Variants in TPCN2 observed in about 807,000 individuals in gnomAD.
TPCN2 encodes the protein two pore channel protein 2.
A neutral mutation model predicts 111.4 loss-of-function variants in TPCN2; 92 were observed. The observed-to-expected ratio is 0.83, with a 90% CI of 0.70 to 0.98. TPCN2 has a LOEUF of 0.98. TPCN2 is among the 50% of genes least tolerant of loss of function. The pLI, the probability that TPCN2 is intolerant of heterozygous loss-of-function variation, is 0.00. For missense variants in TPCN2, 995 were observed against 980.1 expected, an observed-to-expected ratio of 1.02 and a Z score of -0.20; for synonymous variants, 405 against 414.5, an observed-to-expected ratio of 0.98 and a Z score of 0.28.
intron 2 of TPCN2, among the ~76,000 whole-genome samples, 179 bp from the exon 3 acceptor site, chr11:69,054,542 C>T (rs921643007): frequency 1.1e-4 from 16 of 152,194 alleles, no homozygotes; most frequent in Admixed American, 2.0e-4. Flanking sequence ...GTTGGGCAAA[C>T]CTCGTGGTTT....
At chr11:69,055,756 G>T (rs1361934902) in intron 4 of TPCN2, among the ~76,000 whole-genome samples, 3 of 152,222 alleles carry the variant, frequency 2.0e-5, no homozygotes, top group Non-Finnish European at 4.4e-5. Context: ...AGCCCAGTGG[G>T]CCGTCAGGGG....
At position 69,067,507 on chromosome 11, in the gene TPCN2, A is replaced by G; in HGVS notation, c.731A>G (p.Asp244Gly). Residue 244 changes from aspartate (D) to glycine (G), a missense_variant, in exon 8 of 25, where the codon GAT becomes GGT. Physicochemically the swap from Asp to Gly is moderately conservative, Grantham distance 94. Coordinates refer to ENST00000294309, the MANE Select transcript of TPCN2 (RefSeq NM_139075.4). ...GMLLFAGGKQDDGQDRERLTY... is the reference protein window; with the variant it reads ...GMLLFAGGKQGDGQDRERLTY... ...AGCTGCCGCTTCTGCTCTTAGCAGGATGATGGGCAGGACAGGGAGAGGCTG... is the reference window on the plus strand; with the variant it reads ...AGCTGCCGCTTCTGCTCTTAGCAGGGTGATGGGCAGGACAGGGAGAGGCTG... The G allele has an allele frequency of 6.2e-7, 1 of 1,613,268 alleles. No individual in the cohort carries two copies. Among genetic ancestry groups the G allele is most frequent in the Non-Finnish European group, 8.5e-7 (1 of 1,179,898 alleles).
At position 69,089,961 on chromosome 11, in the gene TPCN2, T is replaced by C. The variant is rs1856390120; in HGVS notation, c.*2008T>C. ...ACAGTTCTTTAGCTGTTTCTTTACT[T>C]TCTGGTGCAAAAAGATGTTCAAGCC... On this transcript the variant is annotated 3_prime_UTR_variant, in exon 25 of 25. Coordinates refer to ENST00000294309, the MANE Select transcript of TPCN2 (RefSeq NM_139075.4). 1 of 152,204 alleles carries C rather than the reference T, an allele frequency of 6.6e-6. No homozygotes were observed. The highest frequency in any genetic ancestry group is 2.1e-4 in the South Asian group (1 of 4,826). 9.4% of individuals were successfully genotyped at this position (152,204 alleles called of 1,614,324 possible).
intron 17 of TPCN2, among the ~76,000 whole-genome samples, chr11:69,080,590 G>A (rs578155547): frequency 3.3e-4 from 50 of 152,342 alleles, no homozygotes; most frequent in Admixed American, 2.5e-3. Flanking sequence ...TGGTTAGGCC[G>A]GGCTCCTTGG....
chr11:69,079,230 A>C (rs1855908015), intron 16 of TPCN2: 1 of 618,730 alleles, frequency 1.6e-6, no homozygotes, highest in Non-Finnish European at 2.7e-6. Context: ...TTTCTACTGC[A>C]TCCGAGTGTC....
rs1174554507 is a variant in TPCN2, at chr11:69,085,122, C to T, written c.1762-88C>T. On this transcript the variant is annotated intron_variant, in intron 19 of 24. Coordinates refer to ENST00000294309, the MANE Select transcript of TPCN2 (RefSeq NM_139075.4). ...CAGAGGGTCCTGGCCTCACAGTCAT[C>T]CTCTGGCTTTGCGGTTCTGTCTGGG... 2.4e-6 allele frequency: 3 copies of T among 1,254,266 alleles called. No homozygotes were observed. The African/African-American group carries it at 4.4e-5, about 18-fold the overall frequency. 77.7% of individuals were successfully genotyped at this position (1,254,266 alleles called of 1,614,324 possible). A position where few individuals can be genotyped will look rare whatever the true frequency, so the allele number is the denominator to read the frequency against.
intron 13 of TPCN2, among the ~76,000 whole-genome samples, chr11:69,075,650 C>T (rs1292345699): frequency 1.3e-5 from 2 of 152,180 alleles, no homozygotes; most frequent in South Asian, 2.1e-4. Flanking sequence ...GGTCCTTTCT[C>T]GGCAGGCTGA....
At chr11:69,082,485 T>A (rs1043781934) in intron 18 of TPCN2, among the ~76,000 whole-genome samples, 1 of 152,288 alleles carries the variant, frequency 6.6e-6, no homozygotes, top group Non-Finnish European at 1.5e-5. Context: ...CCATGTGAAC[T>A]CATGTCCGTG....
Position 69,079,824 on chromosome 11 carries a change from G to A in TPCN2, c.1540-10G>A. 6.2e-7 allele frequency: 1 copy of A among 1,613,180 alleles called. No individual in the cohort carries two copies. Among genetic ancestry groups the A allele is most frequent in the Non-Finnish European group, 8.5e-7 (1 of 1,179,622 alleles). ...CTGTAGCGAAGCCTTCTTTTCTTTTGTAATTAAAGGTTTTGGAGATCTCAA... is the reference window on the plus strand; with the variant it reads ...CTGTAGCGAAGCCTTCTTTTCTTTTATAATTAAAGGTTTTGGAGATCTCAA... On this transcript the variant is annotated splice_polypyrimidine_tract_variant and intron_variant, in intron 16 of 24. Coordinates refer to ENST00000294309, the MANE Select transcript of TPCN2 (RefSeq NM_139075.4).
At position 69,088,006 on chromosome 11, in the gene TPCN2, C is replaced by T; in HGVS notation, c.*53C>T. The T allele has an allele frequency of 1.3e-6, 2 of 1,513,752 alleles. No homozygotes were observed. Among genetic ancestry groups the T allele is most frequent in the South Asian group, 1.2e-5 (1 of 83,978 alleles). The allele number at this position is 1,513,752 out of a possible 1,614,324, so 93.8% of individuals were successfully genotyped here. A position where few individuals can be genotyped will look rare whatever the true frequency, so the allele number is the denominator to read the frequency against. On this transcript the variant is annotated 3_prime_UTR_variant, in exon 25 of 25. Coordinates refer to ENST00000294309, the MANE Select transcript of TPCN2 (RefSeq NM_139075.4). The stretch of plus-strand genomic sequence containing the variant: ...GGCAGGAGAGAGAGGCTGGCCTACA[C>T]AGGTGCCCGTCATGGAAGAGGCGGC...
chr11:69,050,647 G>A (rs1861183713), intron 1 of TPCN2, among the ~76,000 whole-genome samples: 1 of 152,232 alleles, frequency 6.6e-6, no homozygotes, highest in Non-Finnish European at 1.5e-5. Context: ...CAAAGTGGTG[G>A]GATTACAGGC....
In TPCN2 at chr11:69,055,170, TC is replaced by T. The variant is rs1854700241; in HGVS notation, c.252-3del. ...TGTGTTTTCATGTTTCTGTCCCCTTTCCAGGACTTTGAGCTTCACCATCTTC... is the reference window on the plus strand; with the variant it reads ...TGTGTTTTCATGTTTCTGTCCCCTTTCAGGACTTTGAGCTTCACCATCTTC... On this transcript the variant is annotated splice_polypyrimidine_tract_variant and splice_region_variant and intron_variant, in intron 3 of 24. Coordinates refer to ENST00000294309, the MANE Select transcript of TPCN2 (RefSeq NM_139075.4). 1.9e-6 allele frequency: 3 copies of T among 1,613,598 alleles called. No individual in the cohort carries two copies. Among genetic ancestry groups the T allele is most frequent in the Non-Finnish European group, 2.5e-6 (3 of 1,179,818 alleles).
At chr11:69,078,160 T>C (rs1855868788) in intron 13 of TPCN2, among the ~76,000 whole-genome samples, 1 of 54,972 alleles carries the variant, frequency 1.8e-5, no homozygotes, top group South Asian at 3.6e-4. Context: ...TTCACACAGC[T>C]TTTTTTTTTT....
In TPCN2 at chr11:69,057,583, C is replaced by T; in HGVS notation, c.435C>T (p.Tyr145=). The stretch of plus-strand genomic sequence containing the variant: ...CCCGCCCGTCTATCTTGCAGGGTTA[C>T]CTGTTCGGGTGGGCCCATTTCCAGA... ...VFAADLSVKG[Y]LFGWAHFQKN... is the part of the protein sequence containing the mutation. The change falls in exon 5 of 25, where the codon TAC becomes TAT. Residue 145 remains tyrosine (Y), a synonymous_variant. Transcript: ENST00000294309. 1.2e-6 allele frequency: 2 copies of T among 1,614,142 alleles called. No homozygotes were observed. The highest frequency in any genetic ancestry group is 8.5e-7 in the Non-Finnish European group (1 of 1,179,970).
chr11:69,082,899 G>A (rs7118834), intron 18 of TPCN2, among the ~76,000 whole-genome samples: 14,233 of 60,280 alleles, frequency 0.24, 5,188 homozygotes, highest in Non-Finnish European at 0.32. Context: ...CACACATCGC[G>A]TGCAGATATC....
intron 24 of TPCN2, 108 bp downstream of exon 24, chr11:69,087,314 C>T (rs866749864): frequency 3.3e-6 from 3 of 903,988 alleles, no homozygotes; most frequent in Middle Eastern, 2.6e-4. Context: ...CTGTCCTCCC[C>T]CTCCGCCCGG....
At position 69,049,121 on chromosome 11, in the gene TPCN2, C is replaced by G. The variant is rs1303828806; in HGVS notation, c.109+15C>G. On this transcript the variant is annotated intron_variant, in intron 1 of 24. Transcript: ENST00000294309. ...AGTCGGCCCTGGTGAGCCGCCCGGACCTGGGGAGGGGACTGGCCCGGGAGA... is the reference window on the plus strand; with the variant it reads ...AGTCGGCCCTGGTGAGCCGCCCGGAGCTGGGGAGGGGACTGGCCCGGGAGA... 1.6e-6 allele frequency: 2 copies of G among 1,234,096 alleles called. No individual in the cohort carries two copies. Among genetic ancestry groups the G allele is most frequent in the African/African-American group, 3.1e-5 (2 of 64,250 alleles). The allele number at this position is 1,234,096 out of a possible 1,614,324, so 76.4% of individuals were successfully genotyped here. A position where few individuals can be genotyped will look rare whatever the true frequency, so the allele number is the denominator to read the frequency against.
At chr11:69,077,003 C>T (rs370177975) in intron 13 of TPCN2, among the ~76,000 whole-genome samples, 104 of 32,488 alleles carry the variant, frequency 3.2e-3, no homozygotes, top group South Asian at 7.9e-3. Flanking sequence ...CCTCCTGCCA[C>T]GTCCCTCCAC....
chr11:69,053,066 T>C (rs1861303235), intron 1 of TPCN2, among the ~76,000 whole-genome samples: 1 of 152,220 alleles, frequency 6.6e-6, no homozygotes, highest in Non-Finnish European at 1.5e-5. Flanking sequence ...GCTCAGTGGC[T>C]GACCAGGTGC....
Sources: allele counts gnomAD v4.1 joint callset (sites outside exome capture counted in the v4.1 genomes callset), GRCh38; gene constraint gnomAD v4.1.1; transcripts MANE v1.5; gene names NCBI Gene and HGNC (gene_info 2026-07-23, HGNC 2026-07-21).